Variants in REDIC1 observed in about 807,000 individuals in gnomAD.
The protein encoded by REDIC1 is regulator of DNA class I crossover intermediates 1.
At chr12:39,769,175 AATT>A in the REDIC1 span, among the ~76,000 whole-genome samples, 1 of 152,072 alleles carries the variant, frequency 6.6e-6, no homozygotes, top group Non-Finnish European at 1.5e-5. Context: ...TTCTCTACTG[AATT>A]ATCTGCTTAT....
the REDIC1 span, among the ~76,000 whole-genome samples, chr12:39,666,755 G>A: frequency 6.6e-6 from 1 of 152,204 alleles, no homozygotes; most frequent in Admixed American, 6.5e-5. Flanking sequence ...CCTGTTATTG[G>A]TCTATTCAGA....
the REDIC1 span, among the ~76,000 whole-genome samples, chr12:39,896,481 T>C: frequency 6.1e-5 from 9 of 147,878 alleles, no homozygotes; most frequent in Non-Finnish European, 1.0e-4. Context: ...TATGTATATG[T>C]GTATATATGT....
chr12:39,752,130 T>C, the REDIC1 span, among the ~76,000 whole-genome samples: 1 of 152,174 alleles, frequency 6.6e-6, no homozygotes, highest in Admixed American at 6.5e-5. Flanking sequence ...ATAAGTTCCA[T>C]GCTTTCATGC....
chr12:39,828,149 A>C, the REDIC1 span, among the ~76,000 whole-genome samples: 1 of 152,188 alleles, frequency 6.6e-6, no homozygotes, highest in African/African-American at 2.4e-5. Flanking sequence ...TGGTGAACAC[A>C]TCCTGCCTTT....
chr12:39,626,400 C>A, the REDIC1 span: 5 of 1,612,904 alleles, frequency 3.1e-6, no homozygotes, highest in Non-Finnish European at 4.2e-6. Context: ...GACATTCATT[C>A]CTACGACTCC....
the REDIC1 span, among the ~76,000 whole-genome samples, chr12:39,906,682 T>A: frequency 2.6e-5 from 4 of 152,272 alleles, no homozygotes; most frequent in Middle Eastern, 3.4e-3. Context: ...AAAATCTCAG[T>A]TGCATTATTC....
At chr12:39,728,396 G>A in the REDIC1 span, among the ~76,000 whole-genome samples, 2 of 152,094 alleles carry the variant, frequency 1.3e-5, no homozygotes, top group African/African-American at 4.8e-5. Context: ...CATATATTGA[G>A]ATAATCATGT....
At chr12:39,682,117 G>A in the REDIC1 span, among the ~76,000 whole-genome samples, 1 of 151,764 alleles carries the variant, frequency 6.6e-6, no homozygotes, top group Non-Finnish European at 1.5e-5. Context: ...TATTTATATT[G>A]CTCTTCCTTG....
At chr12:39,864,643 T>C in the REDIC1 span, 1 of 1,355,576 alleles carries the variant, frequency 7.4e-7, no homozygotes, top group Non-Finnish European at 1.0e-6. Context: ...TCTTCCCTTC[T>C]TACATAAGCC....
chr12:39,851,215 T>C, the REDIC1 span, among the ~76,000 whole-genome samples: 1 of 152,194 alleles, frequency 6.6e-6, no homozygotes, highest in East Asian at 1.9e-4. Context: ...TAAATGTTTA[T>C]AGAAACACTA....
the REDIC1 span, among the ~76,000 whole-genome samples, chr12:39,781,987 G>C: frequency 1.3e-5 from 2 of 152,146 alleles, no homozygotes; most frequent in Non-Finnish European, 2.9e-5. Flanking sequence ...TGTGAATACA[G>C]GAACTGAAAA....
At chr12:39,824,854 A>T in the REDIC1 span, among the ~76,000 whole-genome samples, 1 of 152,194 alleles carries the variant, frequency 6.6e-6, no homozygotes, top group African/African-American at 2.4e-5. Flanking sequence ...CAAAAAAAAT[A>T]AAATAGACTT....
chr12:39,714,084 C>CGTATGTATACGTGTATATAT, the REDIC1 span, among the ~76,000 whole-genome samples: 1 of 56,612 alleles, frequency 1.8e-5, no homozygotes, highest in African/African-American at 6.4e-5. Context: ...TGTATATACA[C>CGTATGTATACGTGTATATAT]ATATATGTAC....
the REDIC1 span, among the ~76,000 whole-genome samples, chr12:39,713,393 GACACATACGTATGTATAC>G: frequency 1.7e-4 from 24 of 141,800 alleles, no homozygotes; most frequent in Non-Finnish European, 2.3e-4. Flanking sequence ...TATGTGTGTA[GACACATACGTATGTATAC>G]ACATATACAT....
chr12:39,895,489 CAAAAAAAAA>C, the REDIC1 span, among the ~76,000 whole-genome samples: 1 of 36,738 alleles, frequency 2.7e-5, no homozygotes. Context: ...GACTCTGTCT[CAAAAAAAAA>C]AAAAAAAAAA....
chr12:39,657,922 C>T, the REDIC1 span, among the ~76,000 whole-genome samples: 3 of 151,534 alleles, frequency 2.0e-5, no homozygotes, highest in Non-Finnish European at 2.9e-5. Flanking sequence ...ATTTAATTTC[C>T]TCTGCGTTTT....
the REDIC1 span, among the ~76,000 whole-genome samples, chr12:39,713,949 A>T: frequency 6.7e-6 from 1 of 148,442 alleles, no homozygotes; most frequent in Non-Finnish European, 1.5e-5. Context: ...ATACCTATAT[A>T]TACGTGTATA....
the REDIC1 span, among the ~76,000 whole-genome samples, chr12:39,643,339 A>G: frequency 1.3e-5 from 2 of 150,688 alleles, no homozygotes; most frequent in Non-Finnish European, 3.0e-5. Context: ...TAATTTGCAC[A>G]TAGCTTTTTT....
chr12:39,711,860 TGTATACAC>T, the REDIC1 span, among the ~76,000 whole-genome samples: 148 of 68,974 alleles, frequency 2.1e-3, no homozygotes, highest in Middle Eastern at 0.01. Context: ...CATGTGTATG[TGTATACAC>T]GTATACACAT....
Sources: allele counts gnomAD v4.1 joint callset (sites outside exome capture counted in the v4.1 genomes callset), GRCh38; gene constraint gnomAD v4.1.1; transcripts MANE v1.5; gene names NCBI Gene and HGNC (gene_info 2026-07-23, HGNC 2026-07-21).